COX16: variants seen among roughly 807,000 people sequenced by gnomAD.
COX16 encodes the protein cytochrome c oxidase assembly factor COX16.
In COX16, 12 loss-of-function variants were observed where a neutral mutation model predicts 15.4. The ratio of observed to expected loss-of-function variants is 0.78; its 90% CI spans 0.50 to 1.26. The LOEUF (loss-of-function observed/expected upper bound fraction) is 1.26. Ranked by LOEUF, COX16 falls within the 50% of genes most tolerant of loss-of-function variation. The pLI, the probability that COX16 is intolerant of heterozygous loss-of-function variation, is 0.00. For synonymous variants in COX16, 46 were observed against 41.1 expected (o/e 1.12, Z -0.46); for missense variants, 124 against 127.6 (o/e 0.97, Z 0.14).
chr14:70,342,101 A>AT (rs1280982116), intron 2 of COX16, among the ~76,000 whole-genome samples: 2 of 152,330 alleles, frequency 1.3e-5, no homozygotes, highest in African/African-American at 4.8e-5. Context: ...ACATCAGATC[A>AT]TATTTTGTGG....
intron 1 of COX16, among the ~76,000 whole-genome samples, chr14:70,354,841 C>CGTGTGTGT (rs55646280): frequency 0.034 from 5,041 of 148,866 alleles, 198 homozygotes; most frequent in Admixed American, 0.079. Context: ...TGTGTGTGTG[C>CGTGTGTGT]GTGTGTGTGT....
chr14:70,332,308 G>A (rs572183700), intron 2 of COX16, among the ~76,000 whole-genome samples: 9 of 152,342 alleles, frequency 5.9e-5, no homozygotes, highest in African/African-American at 1.9e-4. Flanking sequence ...CAGGAGTATA[G>A]GCCTCCCCTG....
At chr14:70,353,257 CA>C (rs200170156) in intron 1 of COX16, among the ~76,000 whole-genome samples, 43 of 126,246 alleles carry the variant, frequency 3.4e-4, no homozygotes, top group Non-Finnish European at 4.7e-4. Flanking sequence ...GAGACTCTGT[CA>C]AAAAAAAAAA....
At chr14:70,350,352 C>G (rs562300743) in intron 1 of COX16, among the ~76,000 whole-genome samples, 2 of 152,222 alleles carry the variant, frequency 1.3e-5, no homozygotes, top group Non-Finnish European at 2.9e-5. Context: ...CCCGTCCTCA[C>G]TTGGGGTTGA....
At chr14:70,357,370 C>G (rs931659228) in intron 1 of COX16, among the ~76,000 whole-genome samples, 1 of 151,974 alleles carries the variant, frequency 6.6e-6, no homozygotes, top group Non-Finnish European at 1.5e-5. Flanking sequence ...CCTGAGAAGG[C>G]CCTAAATTCT....
intron 2 of COX16, among the ~76,000 whole-genome samples, chr14:70,333,346 T>G (rs1448566462): frequency 1.3e-5 from 2 of 152,150 alleles, no homozygotes; most frequent in Non-Finnish European, 2.9e-5. Flanking sequence ...CAGAGAGCCA[T>G]TTAGAAATTT....
chr14:70,342,687 G>C lies in COX16; in HGVS notation c.112C>G (p.Gln38Glu). ...CTCTTCACAGCATCATATCGGATTT[G>C]AGAAAACTCACGAAGACCAAAAGAA... Reference protein sequence around the residue: ...GGSFGLREFSQIRYDAVKSKM... With the variant: ...GGSFGLREFSEIRYDAVKSKM... The change falls in exon 2 of 4, where the codon CAA (glutamine) becomes GAA (glutamate). Residue 38 changes from glutamine (Q) to glutamate (E), a missense_variant. By Grantham distance (29) the Gln-to-Glu change is conservative. Coordinates refer to ENST00000389912, the MANE Select transcript of COX16 (RefSeq NM_016468.7). 1 of 1,613,134 alleles carries C rather than the reference G, an allele frequency of 6.2e-7. No homozygotes were observed. The highest frequency in any genetic ancestry group is 8.5e-7 in the Non-Finnish European group (1 of 1,179,754).
Position 70,329,248 on chromosome 14 carries a change from GA to G in COX16, c.142-13del, listed in dbSNP as rs752289712. 7.1e-6 allele frequency: 11 copies of G among 1,554,264 alleles called. No individual in the cohort carries two copies. The highest frequency in any genetic ancestry group is 3.8e-5 in the Admixed American group (2 of 53,006). ...AGCTCAGGATCCATCTGTAGAAAAG[GA>G]AAAAAAGTAATAAGTTATCTAAGTC... On this transcript the variant is annotated splice_polypyrimidine_tract_variant and intron_variant, in intron 2 of 3. Transcript: ENST00000389912.
intron 1 of COX16, among the ~76,000 whole-genome samples, chr14:70,348,377 G>A (rs1225875810): frequency 1.1e-4 from 16 of 152,090 alleles, no homozygotes. Flanking sequence ...TGTAAACCCT[G>A]CCATGCTCTT....
At chr14:70,350,539 GCTAA>G (rs1302012344) in intron 1 of COX16, among the ~76,000 whole-genome samples, 6 of 152,302 alleles carry the variant, frequency 3.9e-5, no homozygotes, top group South Asian at 4.1e-4. Context: ...AGCAGTGACA[GCTAA>G]CTAAGAGTTA....
At chr14:70,353,575 G>A (rs1490339400) in intron 1 of COX16, among the ~76,000 whole-genome samples, 3 of 151,882 alleles carry the variant, frequency 2.0e-5, no homozygotes, top group East Asian at 3.9e-4. Context: ...GTGCAGTGGT[G>A]TGACCTCAGC....
At chr14:70,335,434 G>A (rs1220042520) in intron 2 of COX16, among the ~76,000 whole-genome samples, 1 of 152,062 alleles carries the variant, frequency 6.6e-6, no homozygotes, top group African/African-American at 2.4e-5. Context: ...CTCCAGGATA[G>A]ACCATATGTT....
intron 2 of COX16, among the ~76,000 whole-genome samples, chr14:70,332,385 C>G (rs972581795): frequency 3.9e-5 from 6 of 152,326 alleles, no homozygotes; most frequent in Admixed American, 2.0e-4. Context: ...GCCCCTCTTG[C>G]TGTAGTTGAG....
At position 70,329,240 on chromosome 14, in the gene COX16, T is replaced by C; in HGVS notation, c.142-4A>G. 2 of 1,597,024 alleles carry C rather than the reference T, an allele frequency of 1.3e-6. No homozygotes were observed. The highest frequency in any genetic ancestry group is 1.7e-6 in the Non-Finnish European group (2 of 1,173,736). ...TTTTTTCAAGCTCAGGATCCATCTG[T>C]AGAAAAGGAAAAAAAGTAATAAGTT... On this transcript the variant is annotated splice_polypyrimidine_tract_variant and splice_region_variant and intron_variant, in intron 2 of 3. Transcript: ENST00000389912.
chr14:70,359,528 G>C lies in COX16; in HGVS notation c.60C>G (p.Val20=). Residue 20 remains valine, a synonymous_variant, in exon 1 of 4, where the codon GTC becomes GTG. Coordinates refer to ENST00000389912, the MANE Select transcript of COX16 (RefSeq NM_016468.7). ...FRKNKTLGYG[V]PMLLLIVGGS... ...TCCTCACTCCACTCACCAACATGGG[G>C]ACTCCATAGCCGAGAGTCTTGTTCT... is the stretch of plus-strand genomic sequence containing the variant. 6.2e-7 allele frequency: 1 copy of C among 1,613,998 alleles called. No homozygotes were observed. Among genetic ancestry groups the C allele is most frequent in the Non-Finnish European group, 8.5e-7 (1 of 1,179,916 alleles).
intron 2 of COX16, among the ~76,000 whole-genome samples, chr14:70,339,399 AT>A (rs949714879): frequency 2.6e-5 from 4 of 151,810 alleles, no homozygotes; most frequent in Non-Finnish European, 5.9e-5. Context: ...GAGAAGCAAG[AT>A]TTTTTTTTCC....
At chr14:70,344,557 T>C (rs752938673) in intron 1 of COX16, among the ~76,000 whole-genome samples, 9 of 152,256 alleles carry the variant, frequency 5.9e-5, no homozygotes, top group Non-Finnish European at 1.0e-4. Context: ...CCATTACTTA[T>C]TGTGTGTCGC....
chr14:70,356,283 G>C (rs898783393), intron 1 of COX16, among the ~76,000 whole-genome samples: 9 of 152,000 alleles, frequency 5.9e-5, no homozygotes, highest in African/African-American at 2.2e-4. Context: ...ATCTCATAAG[G>C]AGCATGCAAC....
At chr14:70,349,773 C>G (rs1249305822) in intron 1 of COX16, among the ~76,000 whole-genome samples, 1 of 152,180 alleles carries the variant, frequency 6.6e-6, no homozygotes, top group Non-Finnish European at 1.5e-5. Flanking sequence ...TTACCAGACT[C>G]TGAGCCCTTC....
Sources: gnomAD v4.1 joint callset for allele counts (sites outside exome capture counted in the v4.1 genomes callset) on GRCh38, gnomAD v4.1.1 for gene constraint, MANE v1.5 for transcripts, NCBI Gene and HGNC (gene_info 2026-07-23, HGNC 2026-07-21) for gene names.